SNRNP25: variants seen among roughly 807,000 people sequenced by gnomAD.
The protein encoded by SNRNP25 is small nuclear ribonucleoprotein U11/U12 subunit 25, also known as U11/U12 small nuclear ribonucleoprotein 25 kDa protein.
SNRNP25 carries 21 observed loss-of-function variants against 23.9 expected under a neutral mutation model. That is an observed-to-expected ratio of 0.88 (90% confidence interval 0.62 to 1.27). SNRNP25 has a LOEUF of 1.27. Among genes scored for constraint, SNRNP25 ranks in the 50% most tolerant of loss-of-function variants. SNRNP25 has a pLI of 0.00. For missense variants in SNRNP25, 160 were observed against 156.9 expected, an observed-to-expected ratio of 1.02 and a Z score of -0.11; for synonymous variants, 63 against 60.4, an observed-to-expected ratio of 1.04 and a Z score of -0.20.
At chr16:56,306 C>T (rs776312489) in intron 3 of SNRNP25, 34 of 709,170 alleles carry the variant, frequency 4.8e-5, no homozygotes, top group Admixed American at 1.2e-4. Context: ...TCAACACTGT[C>T]GCCTGTTGCA....
intron 3 of SNRNP25, 24 bp from the exon 4 acceptor site, chr16:56,515 T>C (rs759441805): frequency 6.2e-7 from 1 of 1,612,610 alleles, no homozygotes; most frequent in Non-Finnish European, 8.5e-7. Flanking sequence ...GGGCACGTGG[T>C]TTACCTGCAT....
intron 3 of SNRNP25, chr16:56,318 TAGC>T (rs1199726857): frequency 1.4e-6 from 1 of 712,528 alleles, no homozygotes; most frequent in South Asian, 1.5e-5. Flanking sequence ...CCTGTTGCAT[TAGC>T]AAGGTTTGTT....
chr16:56,159 G>C, intron 3 of SNRNP25: 2 of 624,678 alleles, frequency 3.2e-6, no homozygotes, highest in Non-Finnish European at 5.9e-6. Flanking sequence ...TGGGGACACT[G>C]TCGGGAATTT....
At chr16:54,838 C>T (rs1019122411) in intron 1 of SNRNP25, 15 of 153,278 alleles carry the variant, frequency 9.8e-5, no homozygotes, top group African/African-American at 3.6e-4. Context: ...CGCCACCACG[C>T]CCGGCTAATT....
In SNRNP25 at chr16:57,103, G is replaced by C. The variant is rs773205515; in HGVS notation, c.332G>C (p.Arg111Pro). The change falls in exon 5 of 5, where the codon CGA (arginine) becomes CCA (proline). Residue 111 changes from arginine to proline, a missense_variant. Physicochemically the swap from Arg to Pro is moderately radical, Grantham distance 103 (BLOSUM62 -2). Transcript: ENST00000293861. ...TTTTTCAGCTACGGCATCCGGAATC[G>C]AGACGAGGTTTCCTTCATCAAAAAG... ...KKLRDYGIRN[R>P]DEVSFIKKLR... 6.2e-7 allele frequency: 1 copy of C among 1,614,070 alleles called. No homozygotes were observed. Among genetic ancestry groups the C allele is most frequent in the East Asian group, 2.2e-5 (1 of 44,882 alleles).
In SNRNP25 at chr16:53,888, C is replaced by T. The variant is rs769108517; in HGVS notation, c.-129C>T. ...GCGGGCTGGCAGTGCGGGCAGAGCC[C>T]GGCTGAGAGGGGCGGCCCTGGAGGA... On this transcript the variant is annotated 5_prime_UTR_variant, in exon 1 of 5. Coordinates refer to ENST00000293861, the MANE Select transcript of SNRNP25 (RefSeq NM_024571.4). 7 of 1,500,386 alleles carry T rather than the reference C, an allele frequency of 4.7e-6. No individual in the cohort carries two copies. The African/African-American group carries it at 8.3e-5, about 18-fold the overall frequency. The allele number at this position is 1,500,386 out of a possible 1,614,324, so 92.9% of individuals were successfully genotyped here. A position where few individuals can be genotyped will look rare whatever the true frequency, so the allele number is the denominator to read the frequency against.
rs981502236 is a variant in SNRNP25 at position 55,766 on chromosome 16, C to T, written c.134-11C>T. 4.3e-6 allele frequency: 7 copies of T among 1,613,466 alleles called. No individual in the cohort carries two copies. Among genetic ancestry groups the T allele is most frequent in the African/African-American group, 2.7e-5 (2 of 74,912 alleles). On this transcript the variant is annotated splice_polypyrimidine_tract_variant and intron_variant, in intron 2 of 4. Coordinates refer to ENST00000293861, the MANE Select transcript of SNRNP25 (RefSeq NM_024571.4). ...CCATGGATCTTCTCCCATCTGTGTC[C>T]GTGGTTGCAGCCGTGGTTGTAGTGC... is the stretch of plus-strand genomic sequence containing the variant.
Position 56,527 on chromosome 16 carries a change from C to T in SNRNP25, c.240-12C>T. 6.2e-7 allele frequency: 1 copy of T among 1,613,660 alleles called. No individual in the cohort carries two copies. Among genetic ancestry groups the T allele is most frequent in the Non-Finnish European group, 8.5e-7 (1 of 1,179,718 alleles). On this transcript the variant is annotated splice_polypyrimidine_tract_variant and intron_variant, in intron 3 of 4. Coordinates refer to ENST00000293861, the MANE Select transcript of SNRNP25 (RefSeq NM_024571.4). ...TCAGGGCACGTGGTTTACCTGCATT[C>T]CCCTCTTGCAGGTCCTACGTGTGGA...
At chr16:56,401 C>G in intron 3 of SNRNP25, 138 bp from the exon 4 acceptor site, 1 of 818,276 alleles carries the variant, frequency 1.2e-6, no homozygotes. Flanking sequence ...CCAATCTGCA[C>G]ATTGTACAGA....
In SNRNP25 at chr16:55,827, CAG is replaced by C; in HGVS notation, c.188_189del (p.Arg63IlefsTer9). ...ATVLDLKKAI[Q>X]RYVQLKQERE... ...AGTCCTGGACCTGAAGAAGGCCATC[CAG>C]AGATACGTGCAGCTCAAGCAGGAGC... On this transcript the variant is annotated frameshift_variant, in exon 3 of 5. Transcript: ENST00000293861. LOFTEE classifies it high-confidence loss of function. The C allele has an allele frequency of 6.2e-7, 1 of 1,614,160 alleles. No homozygotes were observed. The highest frequency in any genetic ancestry group is 1.3e-5 in the African/African-American group (1 of 75,040).
intron 3 of SNRNP25, chr16:56,121 C>A: frequency 3.2e-6 from 2 of 618,678 alleles, no homozygotes; most frequent in East Asian, 2.8e-5. Context: ...TCGGCATCAC[C>A]CCATCCGAGC....
In SNRNP25 at chr16:57,610, G is replaced by C. The variant is rs148422721; in HGVS notation, c.*467G>C. On this transcript the variant is annotated 3_prime_UTR_variant, in exon 5 of 5. Transcript: ENST00000293861. ...ACACCACTCCCCAAACCACACAACT[G>C]TGTTACCATGATCTCCACAGCAAGG... 46 of 173,074 alleles carry C rather than the reference G, an allele frequency of 2.7e-4. No homozygotes were observed. Among genetic ancestry groups the C allele is most frequent in the Middle Eastern group, 3.0e-3 (1 of 332 alleles). The allele number at this position is 173,074 out of a possible 1,614,324, so 10.7% of individuals were successfully genotyped here. A position where few individuals can be genotyped will look rare whatever the true frequency, so the allele number is the denominator to read the frequency against.
At position 55,827 on chromosome 16, in the gene SNRNP25, C is replaced by T; in HGVS notation, c.184C>T (p.Gln62Ter). The T allele has an allele frequency of 1.9e-6, 3 of 1,614,160 alleles. No homozygotes were observed. The highest frequency in any genetic ancestry group is 2.2e-5 in the East Asian group (1 of 44,892). Reference protein sequence around the residue: ...ATVLDLKKAIQRYVQLKQERE... With the variant: ...ATVLDLKKAI ...AGTCCTGGACCTGAAGAAGGCCATC[C>T]AGAGATACGTGCAGCTCAAGCAGGA... Residue 62 changes from glutamine to a stop codon, truncating the protein, a stop_gained, in exon 3 of 5, where the codon CAG (glutamine) becomes TAG (stop). Transcript: ENST00000293861. LOFTEE classifies it high-confidence loss of function.
intron 3 of SNRNP25, chr16:56,319 A>G (rs1232002873): frequency 1.4e-6 from 1 of 712,800 alleles, no homozygotes; most frequent in South Asian, 1.5e-5. Flanking sequence ...CTGTTGCATT[A>G]GCAAGGTTTG....
chr16:55,629 C>T (rs1897397031), intron 2 of SNRNP25, 80 bp downstream of exon 2: 1 of 1,568,422 alleles, frequency 6.4e-7, no homozygotes, highest in African/African-American at 1.3e-5. Flanking sequence ...GGTCAGCCTG[C>T]TCAGAAACTC....
rs146298490 is a variant in SNRNP25 at position 56,579 on chromosome 16, G to C, written c.280G>C (p.Glu94Gln). 1.9e-6 allele frequency: 3 copies of C among 1,613,954 alleles called. No individual in the cohort carries two copies. Among genetic ancestry groups the C allele is most frequent in the Admixed American group, 3.3e-5 (2 of 60,008 alleles). ...WRTYHLTSAG[E>Q]KLTEDRKKLR... The stretch of plus-strand genomic sequence containing the variant: ...GACGTACCATCTGACCTCTGCAGGA[G>C]AGAAACTCACGGAAGACAGAAAGAA... The change falls in exon 4 of 5, where the codon GAG becomes CAG. Residue 94 changes from glutamate to glutamine, a missense_variant. Coordinates refer to ENST00000293861, the MANE Select transcript of SNRNP25 (RefSeq NM_024571.4).
At chr16:56,785 G>A (rs1438356569) in intron 4 of SNRNP25, among the ~76,000 whole-genome samples, 172 bp downstream of exon 4, 3 of 152,176 alleles carry the variant, frequency 2.0e-5, no homozygotes, top group Non-Finnish European at 4.4e-5. Flanking sequence ...CAGCTGGAGG[G>A]GCCTTGCTGC....
rs1398158146 is a variant in SNRNP25, at chr16:57,156, G to A, written c.*13G>A. ...GAGGCAAAAGTGAGCCTCCAGACAG[G>A]ACAACCCTCTTCATCACTGGTGGCT... On this transcript the variant is annotated 3_prime_UTR_variant, in exon 5 of 5. Coordinates refer to ENST00000293861, the MANE Select transcript of SNRNP25 (RefSeq NM_024571.4). 1 of 1,613,744 alleles carries A rather than the reference G, an allele frequency of 6.2e-7. No individual in the cohort carries two copies.
intron 3 of SNRNP25, 169 bp from the exon 4 acceptor site, chr16:56,370 C>T: frequency 4.1e-6 from 3 of 740,712 alleles, no homozygotes; most frequent in Non-Finnish European, 7.4e-6. Context: ...AGAACAGAGC[C>T]TCCTTGTAGC....
Sources: gnomAD v4.1 joint callset for allele counts (sites outside exome capture counted in the v4.1 genomes callset) on GRCh38, gnomAD v4.1.1 for gene constraint, MANE v1.5 for transcripts, NCBI Gene and HGNC (gene_info 2026-07-23, HGNC 2026-07-21) for gene names.